The following ANKRD17 variants were observed in gnomAD, a reference collection of about 807,000 sequenced individuals.
ANKRD17 encodes the protein ankyrin repeat domain-containing protein 17.
A neutral mutation model predicts 229.7 loss-of-function variants in ANKRD17; 19 were observed. The ratio of observed to expected loss-of-function variants is 0.08; its 90% confidence interval spans 0.06 to 0.12. The LOEUF (loss-of-function observed/expected upper bound fraction) is 0.12, where lower values mean the gene tolerates loss of function less well. Among genes scored for constraint, ANKRD17 ranks in the 10% least tolerant of loss-of-function variants. The probability of loss-of-function intolerance (pLI) is 1.00; values close to 1 mark genes in which losing one functional copy is unlikely to be tolerated. For missense variants in ANKRD17, 2,176 were observed against 3,176.8 expected (o/e 0.68, Z 7.57); for synonymous variants, 1,112 against 1,146.1 (o/e 0.97, Z 0.60).
chr4:73,199,362 C>CGAAA, intron 1 of ANKRD17, among the ~76,000 whole-genome samples: 1 of 152,092 alleles, frequency 6.6e-6, no homozygotes, highest in East Asian at 1.9e-4. Context: ...AAGCACCTTT[C>CGAAA]ATTCATCAAC....
chr4:73,176,428 A>G (rs1167823618), intron 2 of ANKRD17, among the ~76,000 whole-genome samples: 1 of 152,096 alleles, frequency 6.6e-6, no homozygotes, highest in Non-Finnish European at 1.5e-5. Flanking sequence ...CTACCACATG[A>G]CCCAGCAATC....
intron 29 of ANKRD17, 99 bp from the exon 30 acceptor site, chr4:73,085,545 T>G: frequency 9.5e-7 from 1 of 1,056,918 alleles, no homozygotes; most frequent in Non-Finnish European, 1.4e-6. Flanking sequence ...TCAAAACTAT[T>G]TTAGATAATT....
chr4:73,224,394 T>G (rs907579082), intron 1 of ANKRD17, among the ~76,000 whole-genome samples: 10 of 152,142 alleles, frequency 6.6e-5, no homozygotes, highest in Non-Finnish European at 1.2e-4. Flanking sequence ...AATCATGAAA[T>G]GGGATAATAT....
chr4:73,204,278 G>A (rs1253513020), intron 1 of ANKRD17, among the ~76,000 whole-genome samples: 2 of 147,366 alleles, frequency 1.4e-5, no homozygotes, highest in East Asian at 2.1e-4. Flanking sequence ...GGAGAATGGC[G>A]TGAACCCGAG....
At chr4:73,222,927 C>A in intron 1 of ANKRD17, 1 of 1,400,438 alleles carries the variant, frequency 7.1e-7, no homozygotes, top group Non-Finnish European at 9.8e-7. Context: ...GATAAGATTT[C>A]TTTGTTCAGA....
chr4:73,258,109 T>A (rs990494760), intron 1 of ANKRD17, among the ~76,000 whole-genome samples, 167 bp downstream of exon 1: 19 of 148,648 alleles, frequency 1.3e-4, no homozygotes, highest in Non-Finnish European at 2.8e-4. Flanking sequence ...CTCCCCCACA[T>A]TCCCACACCT....
chr4:73,106,605 G>A (rs180896219), intron 24 of ANKRD17, among the ~76,000 whole-genome samples: 1 of 152,270 alleles, frequency 6.6e-6, no homozygotes, highest in Admixed American at 6.5e-5. Flanking sequence ...CGCGGGCTGG[G>A]CACGGTGGCT....
Position 73,118,788 on chromosome 4 carries a change from C to T in ANKRD17, c.4088G>A (p.Gly1363Asp). 6.2e-7 allele frequency: 1 copy of T among 1,614,038 alleles called. No homozygotes were observed. The highest frequency in any genetic ancestry group is 8.5e-7 in the Non-Finnish European group (1 of 1,179,996). ...GNTPLWLAANGGHLDVVQLLV... is the reference protein window; with the variant it reads ...GNTPLWLAANDGHLDVVQLLV... ...TAACTGAACCACATCGAGGTGTCCA[C>T]CATTTGCTGCTAGCCACAATGGAGT... is the stretch of plus-strand genomic sequence containing the variant. The change falls in exon 22 of 34, where the codon GGT (glycine) becomes GAT (aspartate). Residue 1363 changes from glycine to aspartate, a missense_variant. Around this residue, in one of 18 missense-constraint regions of ANKRD17, gnomAD observed 178 missense variants for 421.7 expected, o/e 0.42. Coordinates refer to ENST00000358602, the MANE Select transcript of ANKRD17 (RefSeq NM_032217.5).
intron 1 of ANKRD17, among the ~76,000 whole-genome samples, chr4:73,198,821 C>G (rs1738248456): frequency 6.6e-6 from 1 of 151,076 alleles, no homozygotes; most frequent in African/African-American, 2.5e-5. Flanking sequence ...AAGACATTCT[C>G]CCATGAATTG....
intron 1 of ANKRD17, among the ~76,000 whole-genome samples, chr4:73,215,441 G>A (rs907056456): frequency 1.1e-4 from 17 of 152,192 alleles, no homozygotes; most frequent in African/African-American, 3.9e-4. Context: ...TGTATTTTTA[G>A]TAGAGACAGG....
intron 1 of ANKRD17, among the ~76,000 whole-genome samples, chr4:73,185,851 C>A (rs1298813118): frequency 6.6e-6 from 1 of 151,848 alleles, no homozygotes; most frequent in Non-Finnish European, 1.5e-5. Context: ...ATATGAAATA[C>A]ATTTTACATA....
At chr4:73,182,325 C>T (rs1735691898) in intron 1 of ANKRD17, among the ~76,000 whole-genome samples, 1 of 151,952 alleles carries the variant, frequency 6.6e-6, no homozygotes. Flanking sequence ...AAAGAACCAT[C>T]AAAATGCAAG....
Position 73,151,498 on chromosome 4 carries a change from A to T in ANKRD17, c.1261T>A (p.Leu421Met). 6.2e-7 allele frequency: 1 copy of T among 1,609,678 alleles called. No homozygotes were observed. ...TGCTCTTGATCCGCGCCTGCTTCCA[A>T]AAGAAATCGCACCATCTCTAAGTGT... ...KGHLEMVRFL[L>M]EAGADQEHKT... The change falls in exon 7 of 34, where the codon TTG becomes ATG. Residue 421 changes from leucine (L) to methionine (M), a missense_variant. This residue lies in a region of ANKRD17 where 184 missense variants were observed against 357.8 expected (regional missense o/e 0.51). Coordinates refer to ENST00000358602, the MANE Select transcript of ANKRD17 (RefSeq NM_032217.5).
chr4:73,252,257 T>G (rs1277341351), intron 1 of ANKRD17, among the ~76,000 whole-genome samples: 1 of 152,214 alleles, frequency 6.6e-6, no homozygotes, highest in Admixed American at 6.5e-5. Context: ...GCACACAATG[T>G]AAACTGCTTC....
chr4:73,226,868 C>T (rs1189213010), intron 1 of ANKRD17, among the ~76,000 whole-genome samples: 1 of 152,096 alleles, frequency 6.6e-6, no homozygotes, highest in African/African-American at 2.4e-5. Context: ...GCACGTGCCA[C>T]AATTTCTAAC....
chr4:73,091,146 T>A lies in ANKRD17; in HGVS notation c.6482A>T (p.Gln2161Leu). The change falls in exon 29 of 34, where the codon CAG (glutamine) becomes CTG (leucine). Residue 2161 changes from glutamine (Q) to leucine (L), a missense_variant. Around this residue, in one of 18 missense-constraint regions of ANKRD17, gnomAD observed 424 missense variants for 454.0 expected, o/e 0.93. Transcript: ENST00000358602. ...AGGCTGGGGGCATCCCATTGGTGTC[T>A]GAGGCATAGGGTAAGTCACTGGGGC... ...STAPVTYPMP[Q>L]TPMGCPQPTP... 6.2e-7 allele frequency: 1 copy of A among 1,614,192 alleles called. No homozygotes were observed. Among genetic ancestry groups the A allele is most frequent in the Non-Finnish European group, 8.5e-7 (1 of 1,180,030 alleles).
intron 13 of ANKRD17, among the ~76,000 whole-genome samples, 197 bp from the exon 14 acceptor site, chr4:73,142,040 T>C (rs929468965): frequency 7.9e-5 from 12 of 152,310 alleles, no homozygotes; most frequent in African/African-American, 2.6e-4. Flanking sequence ...ATTCAAGTTG[T>C]GACCTTTAAA....
chr4:73,213,242 G>A (rs570029765), intron 1 of ANKRD17, among the ~76,000 whole-genome samples: 129 of 152,110 alleles, frequency 8.5e-4, no homozygotes, highest in Non-Finnish European at 1.5e-3. Flanking sequence ...CAGATTCAAG[G>A]TTAGAACCAG....
intron 15 of ANKRD17, among the ~76,000 whole-genome samples, chr4:73,138,966 A>G (rs1729266122): frequency 6.6e-6 from 1 of 152,186 alleles, no homozygotes; most frequent in Admixed American, 6.5e-5. Flanking sequence ...CTACACATTA[A>G]CATTCACAGG....
Sources: gnomAD v4.1 joint callset for allele counts (sites outside exome capture counted in the v4.1 genomes callset) on GRCh38, gnomAD v4.1.1 for gene constraint, gnomAD v4.1.1 regional missense constraint, MANE v1.5 for transcripts, NCBI Gene and HGNC (gene_info 2026-07-23, HGNC 2026-07-21) for gene names.